NCOR1: variants seen among roughly 807,000 people sequenced by gnomAD.
NCOR1 encodes nuclear receptor corepressor 1, also known as protein phosphatase 1, regulatory subunit 109.
A neutral mutation model predicts 288.1 loss-of-function variants in NCOR1; 63 were observed. The observed-to-expected ratio is 0.22, with a 90% CI of 0.18 to 0.27. The LOEUF (loss-of-function observed/expected upper bound fraction) is 0.27. Ranked by LOEUF, NCOR1 falls within the 10% of genes least tolerant of loss-of-function variation. The pLI, the probability that NCOR1 is intolerant of heterozygous loss-of-function variation, is 1.00. For missense variants in NCOR1, 2,397 were observed against 3,019.2 expected, an observed-to-expected ratio of 0.79 and a Z score of 4.83; for synonymous variants, 1,007 against 1,065.9, an observed-to-expected ratio of 0.94 and a Z score of 1.08.
chr17:16,106,659 T>C (rs1288806604), intron 19 of NCOR1, among the ~76,000 whole-genome samples: 1 of 151,662 alleles, frequency 6.6e-6, no homozygotes, highest in African/African-American at 2.4e-5. Context: ...TGCTGTCTCA[T>C]TGAGATTAGG....
At chr17:16,140,507 AT>A (rs1217435196) in intron 11 of NCOR1, among the ~76,000 whole-genome samples, 1 of 151,970 alleles carries the variant, frequency 6.6e-6, no homozygotes, top group African/African-American at 2.4e-5. Context: ...CTACAAAATA[AT>A]TTTTTTAAAT....
In NCOR1 at chr17:16,080,013, C is replaced by G; in HGVS notation, c.3452G>C (p.Ser1151Thr). ...TGGAATGCTCTCCACTGAAATTTTG[C>G]TGGTTGGAGTTCCCCGAGTTATACT... Reference protein sequence around the residue: ...EGSITRGTPTSKISVESIPSL... With the variant: ...EGSITRGTPTTKISVESIPSL... The change falls in exon 26 of 46, where the codon AGC (serine) becomes ACC (threonine). Residue 1151 changes from serine to threonine, a missense_variant. Ser to Thr is a moderately conservative substitution (Grantham distance 58). Coordinates refer to ENST00000268712, the MANE Select transcript of NCOR1 (RefSeq NM_006311.4). The G allele has an allele frequency of 6.2e-7, 1 of 1,614,102 alleles. No homozygotes were observed. The highest frequency in any genetic ancestry group is 1.1e-5 in the South Asian group (1 of 91,076).
intron 19 of NCOR1, among the ~76,000 whole-genome samples, chr17:16,104,454 T>C (rs1228758112): frequency 1.3e-5 from 2 of 152,148 alleles, no homozygotes; most frequent in Admixed American, 6.6e-5. Context: ...GCCCATATTC[T>C]AGCGTGAAAT....
At chr17:16,037,318 C>G (rs1189880129) in intron 44 of NCOR1, among the ~76,000 whole-genome samples, 1 of 151,792 alleles carries the variant, frequency 6.6e-6, no homozygotes, top group African/African-American at 2.4e-5. Flanking sequence ...TGAGAATTAC[C>G]AAAATATGAC....
chr17:16,149,481 A>G lies in NCOR1; in HGVS notation c.879T>C (p.Phe293=). 6.4e-7 allele frequency: 1 copy of G among 1,565,936 alleles called. No homozygotes were observed. The highest frequency in any genetic ancestry group is 2.3e-5 in the East Asian group (1 of 42,904). The change falls in exon 9 of 46, where the codon TTT becomes TTC. Residue 293 remains phenylalanine, a synonymous_variant. Transcript: ENST00000268712. The part of the protein sequence containing the change: ...QVMRKKLILF[F]KRRNHARKQR... Reference sequence around the variant, plus strand: ...GTTTTCTTGCATGATTTCTTCTTTTAAAAAATAAAATGAGTTTTTTCCTCA... The same window carrying G: ...GTTTTCTTGCATGATTTCTTCTTTTGAAAAATAAAATGAGTTTTTTCCTCA...
chr17:16,066,298 T>C (rs760379944), intron 32 of NCOR1, among the ~76,000 whole-genome samples: 8 of 152,210 alleles, frequency 5.3e-5, no homozygotes, highest in Non-Finnish European at 8.8e-5. Flanking sequence ...ATGGTGTGGC[T>C]GTATCCTAAT....
Position 16,029,282 on chromosome 17 carries a change from A to G in NCOR1, c.*3014T>C. The G allele has an allele frequency of 2.2e-6, 1 of 452,958 alleles. No homozygotes were observed. The highest frequency in any genetic ancestry group is 1.6e-5 in the South Asian group (1 of 63,914). The allele number at this position is 452,958 out of a possible 1,614,324, so 28.1% of individuals were successfully genotyped here. A position where few individuals can be genotyped will look rare whatever the true frequency, so the allele number is the denominator to read the frequency against. ...CTCTTCATGTGGGTGTTTTCATTAC[A>G]GTTCATTTACACTGTTGTAAAATAA... On this transcript the variant is annotated 3_prime_UTR_variant, in exon 46 of 46. Transcript: ENST00000268712.
chr17:16,126,517 C>A (rs1224744334), intron 14 of NCOR1, among the ~76,000 whole-genome samples: 2 of 152,102 alleles, frequency 1.3e-5, no homozygotes, highest in Admixed American at 6.5e-5. Context: ...ATCTGTCACT[C>A]AAGCATTCCA....
intron 1 of NCOR1, among the ~76,000 whole-genome samples, chr17:16,209,669 C>T (rs922200185): frequency 1.3e-5 from 2 of 150,786 alleles, no homozygotes; most frequent in African/African-American, 2.4e-5. Context: ...AGAATACACT[C>T]GGCCAAGTGC....
At chr17:16,066,015 T>C in intron 32 of NCOR1, 1 of 370,158 alleles carries the variant, frequency 2.7e-6, no homozygotes, top group African/African-American at 2.1e-5. Flanking sequence ...GAAAATAAAA[T>C]TGTCTTTATA....
chr17:16,075,016 C>T (rs926798523), intron 27 of NCOR1, among the ~76,000 whole-genome samples: 4 of 152,000 alleles, frequency 2.6e-5, no homozygotes, highest in South Asian at 2.1e-4. Flanking sequence ...TACAGGCGCC[C>T]GCCACCATGC....
rs2074553315 is a variant in NCOR1, at chr17:16,127,379, A to ATGTATGTATATATACGTGTATATG, written c.1510-1174_1510-1173insCATATACACGTATATATACATACA. ...TATGTATATATACATGTATGTATAT[A>ATGTATGTATATATACGTGTATATG]TGTATGTATATATACATGTGTATAT... On this transcript the variant is annotated intron_variant, in intron 14 of 45. Transcript: ENST00000268712. 8.6e-5 allele frequency among the ~76,000 whole-genome samples: 3 copies of ATGTATGTATATATACGTGTATATG among 34,816 alleles called. 1 individual carries two copies. Among genetic ancestry groups the ATGTATGTATATATACGTGTATATG allele is most frequent in the Non-Finnish European group, 2.4e-4 (3 of 12,536 alleles). 22.8% of individuals were successfully genotyped at this position (34,816 alleles called of 152,430 possible).
intron 8 of NCOR1, among the ~76,000 whole-genome samples, chr17:16,151,368 C>T (rs2078843083): frequency 6.6e-6 from 1 of 152,146 alleles, no homozygotes; most frequent in African/African-American, 2.4e-5. Flanking sequence ...GCAGCCTCGT[C>T]ACCCACAAGG....
chr17:16,179,188 T>C (rs2084875320), intron 3 of NCOR1, among the ~76,000 whole-genome samples: 1 of 152,126 alleles, frequency 6.6e-6, no homozygotes, highest in African/African-American at 2.4e-5. Context: ...ATCAGGTACC[T>C]TATAAAATTG....
At chr17:16,111,328 C>T (rs2070110298) in intron 18 of NCOR1, among the ~76,000 whole-genome samples, 1 of 152,088 alleles carries the variant, frequency 6.6e-6, no homozygotes, top group Non-Finnish European at 1.5e-5. Context: ...ATGGCCAGAC[C>T]CAGTGGCTCA....
intron 4 of NCOR1, among the ~76,000 whole-genome samples, chr17:16,171,185 TATC>T (rs992441365): frequency 1.3e-4 from 20 of 152,146 alleles, no homozygotes; most frequent in Non-Finnish European, 2.2e-4. Flanking sequence ...ACTGTATAAA[TATC>T]ATCATAAATA....
In NCOR1 at chr17:16,048,824, G is replaced by A. The variant is rs751325948; in HGVS notation, c.6536+21C>T. ...AGCACCCACGCCATGAATGGTTGCT[G>A]TCACTAGGAAGCACACTTACCTCTG... On this transcript the variant is annotated intron_variant, in intron 41 of 45. Transcript: ENST00000268712. 3.2e-5 allele frequency: 51 copies of A among 1,573,254 alleles called. 1 individual carries two copies. In the South Asian group the frequency reaches 5.2e-4, roughly 16 times the overall value.
Position 16,086,591 on chromosome 17 carries a change from ATTCACGTAAGCC to A in NCOR1, c.3017-161_3017-150del. The A allele has an allele frequency of 4.0e-6, 3 of 754,618 alleles. No individual in the cohort carries two copies. In the South Asian group the frequency reaches 6.2e-5, roughly 16 times the overall value. 46.7% of individuals were successfully genotyped at this position (754,618 alleles called of 1,614,324 possible). ...TGAACATTTCTATTTTAAATTTCTC[ATTCACGTAAGCC>A]TGTATACATATTTGTCACAAATACT... On this transcript the variant is annotated intron_variant, in intron 22 of 45. Transcript: ENST00000268712.
rs2062350179 is a variant in NCOR1 at position 16,075,632 on chromosome 17, G to C, written c.3572C>G (p.Pro1191Arg). Residue 1191 changes from proline to arginine, a missense_variant, in exon 27 of 46, where the codon CCC (proline) becomes CGC (arginine). Physicochemically the swap from Pro to Arg is moderately radical, Grantham distance 103 (BLOSUM62 -2). Coordinates refer to ENST00000268712, the MANE Select transcript of NCOR1 (RefSeq NM_006311.4). ...TTTCTCAGGACTGCTGTCTTCAATGGGCATTCTCGAAATGGACCCCTTCAC... is the reference window on the plus strand; with the variant it reads ...TTTCTCAGGACTGCTGTCTTCAATGCGCATTCTCGAAATGGACCCCTTCAC... ...ALVKGSISRM[P>R]IEDSSPEKGR... is the part of the protein sequence containing the mutation. The C allele has an allele frequency of 1.2e-6, 2 of 1,614,020 alleles. No homozygotes were observed. The highest frequency in any genetic ancestry group is 3.3e-5 in the Admixed American group (2 of 59,994).
Sources: allele counts gnomAD v4.1 joint callset (sites outside exome capture counted in the v4.1 genomes callset), GRCh38; gene constraint gnomAD v4.1.1; transcripts MANE v1.5; gene names NCBI Gene and HGNC (gene_info 2026-07-23, HGNC 2026-07-21).